CSMD1: variants seen among roughly 807,000 people sequenced by gnomAD.
CSMD1 encodes CUB and sushi domain-containing protein 1.
Under a neutral mutation model 417.5 loss-of-function variants are expected in CSMD1, and 213 were observed. The ratio of observed to expected loss-of-function variants is 0.51; its 90% CI spans 0.46 to 0.57. The LOEUF is 0.57. CSMD1 is among the 20% of genes least tolerant of loss of function. The pLI, the probability that CSMD1 is intolerant of heterozygous loss-of-function variation, is 0.00. For missense variants in CSMD1, 6,923 were observed against 4,529.7 expected, an observed-to-expected ratio of 1.53 and a Z score of -15.17; for synonymous variants, 2,862 against 1,736.8, an observed-to-expected ratio of 1.65 and a Z score of -16.11.
chr8:3,329,846 G>C (rs756402438), intron 23 of CSMD1, among the ~76,000 whole-genome samples: 7 of 152,134 alleles, frequency 4.6e-5, no homozygotes, highest in Non-Finnish European at 1.0e-4. Flanking sequence ...GGGGCACAGG[G>C]CACAGTGCCT....
intron 3 of CSMD1, among the ~76,000 whole-genome samples, chr8:4,240,854 T>C (rs1334852789): frequency 6.6e-6 from 1 of 152,228 alleles, no homozygotes; most frequent in East Asian, 1.9e-4. Flanking sequence ...TGGGGTAGCA[T>C]TTTTTAAAAT....
At chr8:3,751,411 TTTAA>T (rs544307751) in intron 6 of CSMD1, among the ~76,000 whole-genome samples, 9 of 147,908 alleles carry the variant, frequency 6.1e-5, no homozygotes, top group South Asian at 2.1e-4. Flanking sequence ...ATACAATAAA[TTTAA>T]TTAAATATAA....
chr8:3,642,373 T>C (rs149920405), intron 7 of CSMD1, among the ~76,000 whole-genome samples: 356 of 152,240 alleles, frequency 2.3e-3, no homozygotes, highest in African/African-American at 8.3e-3. Context: ...CGCAAAGAAT[T>C]TATAACCTTA....
intron 2 of CSMD1, among the ~76,000 whole-genome samples, chr8:4,634,934 A>G (rs1802734973): frequency 6.6e-6 from 1 of 152,182 alleles, no homozygotes; most frequent in Non-Finnish European, 1.5e-5. Context: ...AGTACTCTAA[A>G]CGGTTCCCAA....
At chr8:2,948,582 G>C (rs988458052) in intron 68 of CSMD1, among the ~76,000 whole-genome samples, 9 of 152,040 alleles carry the variant, frequency 5.9e-5, no homozygotes, top group Non-Finnish European at 1.2e-4. Flanking sequence ...TTCATAGGTA[G>C]TATAATTTGT....
At chr8:3,475,502 C>A (rs1382442272) in intron 11 of CSMD1, among the ~76,000 whole-genome samples, 1 of 152,102 alleles carries the variant, frequency 6.6e-6, no homozygotes, top group East Asian at 1.9e-4. Context: ...ATTTGGAGTT[C>A]TGTGATGGCT....
chr8:3,966,049 A>G (rs2130027135), intron 5 of CSMD1, among the ~76,000 whole-genome samples: 1 of 152,328 alleles, frequency 6.6e-6, no homozygotes, highest in Middle Eastern at 3.4e-3. Flanking sequence ...TGAGAGAATG[A>G]ATGACTCTAG....
Position 3,756,882 on chromosome 8 carries a change from G to C in CSMD1, c.819-2840C>G, listed in dbSNP as rs562660164. ...GCAATCACAGCTCACAGCAGTCTCC[G>C]ACTCCTGGGCTCAAGCCATCCGCTT... On this transcript the variant is annotated intron_variant, in intron 5 of 69. Coordinates refer to ENST00000635120, the MANE Select transcript of CSMD1 (RefSeq NM_033225.6). Among the ~76,000 whole-genome samples, 4 of 152,020 alleles carry C rather than the reference G, an allele frequency of 2.6e-5. No homozygotes were observed. The East Asian group carries it at 7.7e-4, about 29-fold the overall frequency.
intron 36 of CSMD1, among the ~76,000 whole-genome samples, chr8:3,181,752 T>C (rs543206969): frequency 3.2e-4 from 49 of 152,306 alleles, no homozygotes; most frequent in African/African-American, 9.1e-4. Context: ...AAAAGGAATA[T>C]ATAGGGCTAT....
At chr8:3,816,284 G>T (rs1346347917) in intron 5 of CSMD1, among the ~76,000 whole-genome samples, 3 of 152,172 alleles carry the variant, frequency 2.0e-5, no homozygotes, top group African/African-American at 7.2e-5. Context: ...CTAGCCAGTT[G>T]TTCCTCATTC....
intron 3 of CSMD1, among the ~76,000 whole-genome samples, chr8:4,335,213 T>C (rs948001526): frequency 3.9e-5 from 6 of 152,056 alleles, no homozygotes; most frequent in African/African-American, 1.4e-4. Context: ...CTGGGCTCTC[T>C]TTTCTATGGA....
intron 6 of CSMD1, among the ~76,000 whole-genome samples, chr8:3,749,113 A>G (rs1797195515): frequency 1.3e-5 from 2 of 152,206 alleles, no homozygotes; most frequent in South Asian, 2.1e-4. Flanking sequence ...TATATTTTCA[A>G]AAAATTTATC....
At chr8:3,636,413 G>A (rs1797049081) in intron 7 of CSMD1, among the ~76,000 whole-genome samples, 1 of 151,980 alleles carries the variant, frequency 6.6e-6, no homozygotes, top group Admixed American at 6.6e-5. Flanking sequence ...CCTGACCTCA[G>A]GTGATCCGCC....
intron 41 of CSMD1, among the ~76,000 whole-genome samples, chr8:3,129,407 T>A (rs185765822): frequency 6.6e-6 from 1 of 152,202 alleles, no homozygotes; most frequent in African/African-American, 2.4e-5. Context: ...TTGAAATAAT[T>A]GGTAGCTTTT....
intron 23 of CSMD1, among the ~76,000 whole-genome samples, chr8:3,342,059 A>G (rs920909549): frequency 6.6e-6 from 1 of 152,224 alleles, no homozygotes; most frequent in Admixed American, 6.5e-5. Context: ...ATCTTGTAAC[A>G]TCAATTGTTA....
At chr8:2,961,947 C>G (rs760044455) in intron 61 of CSMD1, among the ~76,000 whole-genome samples, 2 of 152,010 alleles carry the variant, frequency 1.3e-5, no homozygotes, top group Admixed American at 6.6e-5. Flanking sequence ...TTCTTTAATA[C>G]TATATTTTCT....
intron 2 of CSMD1, among the ~76,000 whole-genome samples, chr8:4,568,680 C>G (rs954208662): frequency 6.6e-6 from 1 of 152,092 alleles, no homozygotes; most frequent in Non-Finnish European, 1.5e-5. Flanking sequence ...GTTCTAGATC[C>G]TTTAGGAATT....
chr8:4,429,254 A>G (rs1360426082), intron 2 of CSMD1, among the ~76,000 whole-genome samples: 3 of 152,076 alleles, frequency 2.0e-5, no homozygotes, highest in Admixed American at 1.3e-4. Flanking sequence ...ATGAGATTTC[A>G]ACAGTCCTAT....
chr8:3,877,346 G>C (rs560367484), intron 5 of CSMD1, among the ~76,000 whole-genome samples: 1 of 152,172 alleles, frequency 6.6e-6, no homozygotes, highest in Non-Finnish European at 1.5e-5. Flanking sequence ...GATGGGGGAG[G>C]CATGTGCTCT....
Sources: allele counts gnomAD v4.1 joint callset (sites outside exome capture counted in the v4.1 genomes callset), GRCh38; gene constraint gnomAD v4.1.1; transcripts MANE v1.5; gene names NCBI Gene and HGNC (gene_info 2026-07-23, HGNC 2026-07-21).